Variants in DGKD observed in about 807,000 individuals in gnomAD.
DGKD encodes the protein DAG kinase delta.
In DGKD, 68 loss-of-function variants were observed where a neutral mutation model predicts 154.4. That is an observed-to-expected ratio of 0.44 (90% confidence interval 0.36 to 0.54). The LOEUF (loss-of-function observed/expected upper bound fraction) is 0.54. Ranked by LOEUF, DGKD falls within the 20% of genes least tolerant of loss-of-function variation. The pLI is 0.00. For missense variants in DGKD, 1,343 were observed against 1,593.6 expected (o/e 0.84, Z 2.68); for synonymous variants, 693 against 638.0 (o/e 1.09, Z -1.30).
chr2:233,417,337 T>C (rs975138356), intron 3 of DGKD, among the ~76,000 whole-genome samples: 2 of 152,180 alleles, frequency 1.3e-5, no homozygotes, highest in Admixed American at 6.5e-5. Context: ...CTAGCCCCCC[T>C]TGTGCATTTT....
Position 233,449,420 on chromosome 2 carries a change from C to G in DGKD, c.1888+44C>G. 2.6e-6 allele frequency: 4 copies of G among 1,558,926 alleles called. No homozygotes were observed. Among genetic ancestry groups the G allele is most frequent in the Non-Finnish European group, 2.6e-6 (3 of 1,146,096 alleles). ...AGGAGGGGCTTTCCTCAGGCCAGCA[C>G]TGGGCATGCCCAGCGTCCCCTGAAC... On this transcript the variant is annotated intron_variant, in intron 15 of 29. Coordinates refer to ENST00000264057, the MANE Select transcript of DGKD (RefSeq NM_152879.3). The surrounding 1 kb of genome is among the most constrained non-coding windows in gnomAD (Gnocchi z 5.3).
intron 1 of DGKD, among the ~76,000 whole-genome samples, chr2:233,355,136 A>G (rs1225803281): frequency 6.6e-6 from 1 of 151,892 alleles, no homozygotes; most frequent in Non-Finnish European, 1.5e-5. Flanking sequence ...TGCCCTGCAG[A>G]CTTCCCTGTG....
At position 233,458,377 on chromosome 2, in the gene DGKD, C is replaced by T; in HGVS notation, c.2674C>T (p.Gln892Ter). The change falls in exon 22 of 30, where the codon CAG (glutamine) becomes TAG (stop). Residue 892 changes from glutamine (Q) to a stop codon, truncating the protein, a stop_gained. Transcript: ENST00000264057. LOFTEE classifies it high-confidence loss of function. This position sits in a 1 kb window ranked among gnomAD's most constrained non-coding sequence, Gnocchi z 6.6. ...QMAVSRVIRL[Q>*]HHRIAQCRTV... The stretch of plus-strand genomic sequence containing the variant: ...GGCCGTCTCTCGAGTCATCAGGCTA[C>T]AGCATCATCGGATCGCCCAGGTAGT... The T allele has an allele frequency of 6.2e-7, 1 of 1,610,150 alleles. No individual in the cohort carries two copies. Among genetic ancestry groups the T allele is most frequent in the Non-Finnish European group, 8.5e-7 (1 of 1,179,502 alleles).
chr2:233,451,378 C>T (rs1384192425), intron 17 of DGKD, among the ~76,000 whole-genome samples: 4 of 152,110 alleles, frequency 2.6e-5, no homozygotes, highest in East Asian at 1.9e-4. Context: ...TGAGGGAACC[C>T]GAGGGACCAT....
chr2:233,378,575 G>A (rs6726046), intron 1 of DGKD, among the ~76,000 whole-genome samples: 61,990 of 152,010 alleles, frequency 0.41, 15,245 homozygotes, highest in African/African-American at 0.69. Flanking sequence ...CAGTCTGATG[G>A]TGCAAATAGT....
intron 2 of DGKD, 22 bp from the exon 3 acceptor site, chr2:233,390,381 C>T (rs770174051): frequency 6.2e-7 from 1 of 1,606,106 alleles, no homozygotes; most frequent in African/African-American, 1.3e-5. Flanking sequence ...GTGCCTTAGT[C>T]CCTGTGTTTG....
intron 3 of DGKD, among the ~76,000 whole-genome samples, chr2:233,426,633 C>G (rs2062312249): frequency 6.6e-6 from 1 of 152,164 alleles, no homozygotes; most frequent in Non-Finnish European, 1.5e-5. Context: ...TATTGCTTGT[C>G]TCCCAATGTA....
At chr2:233,456,566 G>C (rs1322669722) in intron 19 of DGKD, among the ~76,000 whole-genome samples, 1 of 152,054 alleles carries the variant, frequency 6.6e-6, no homozygotes, top group Non-Finnish European at 1.5e-5. Context: ...TTTTTCTATG[G>C]TAAGCATAAT....
At position 233,470,031 on chromosome 2, in the gene DGKD, A is replaced by T. The variant is rs1416974891; in HGVS notation, c.*571A>T. On this transcript the variant is annotated 3_prime_UTR_variant, in exon 30 of 30. Coordinates refer to ENST00000264057, the MANE Select transcript of DGKD (RefSeq NM_152879.3). ...GGATGTTTCCAGTCTTGTTGATTGTAATTTGACGTGAAGAGAAAAAAAAAT... is the reference window on the plus strand; with the variant it reads ...GGATGTTTCCAGTCTTGTTGATTGTTATTTGACGTGAAGAGAAAAAAAAAT... The T allele has an allele frequency of 6.6e-6, 1 of 152,322 alleles. No individual in the cohort carries two copies. The highest frequency in any genetic ancestry group is 1.5e-5 in the Non-Finnish European group (1 of 68,054). The allele number at this position is 152,322 out of a possible 1,614,324, so 9.4% of individuals were successfully genotyped here. A position where few individuals can be genotyped will look rare whatever the true frequency, so the allele number is the denominator to read the frequency against.
At chr2:233,376,852 C>T (rs951002260) in intron 1 of DGKD, among the ~76,000 whole-genome samples, 2 of 152,064 alleles carry the variant, frequency 1.3e-5, no homozygotes, top group African/African-American at 2.4e-5. Context: ...GGTGCTGCTG[C>T]GGGTGCTGCC....
At chr2:233,412,013 G>C (rs1004575535) in intron 3 of DGKD, among the ~76,000 whole-genome samples, 1 of 151,952 alleles carries the variant, frequency 6.6e-6, no homozygotes, top group Non-Finnish European at 1.5e-5. Context: ...TCTACACTTT[G>C]TTGATTACTG....
At position 233,472,022 on chromosome 2, in the gene DGKD, T is replaced by C. The variant is rs1380936303; in HGVS notation, c.*2562T>C. On this transcript the variant is annotated 3_prime_UTR_variant, in exon 30 of 30. Transcript: ENST00000264057. ...GAAACAAACGCCTCTTGTATTGTCA[T>C]GTACATAGTCCATACCTGAGTGCTG... The C allele has an allele frequency of 2.0e-5, 3 of 152,416 alleles. No homozygotes were observed. Among genetic ancestry groups the C allele is most frequent in the South Asian group, 2.1e-4 (1 of 4,838 alleles). The allele number at this position is 152,416 out of a possible 1,614,324, so 9.4% of individuals were successfully genotyped here.
At chr2:233,451,105 C>T (rs1269160323) in intron 17 of DGKD, 55 bp downstream of exon 17, 17 of 1,561,868 alleles carry the variant, frequency 1.1e-5, no homozygotes, top group Admixed American at 1.7e-5. Context: ...ACACTGGTCC[C>T]GTCAAACTGA....
chr2:233,443,664 C>T (rs1410689999), intron 10 of DGKD, among the ~76,000 whole-genome samples: 1 of 152,208 alleles, frequency 6.6e-6, no homozygotes, highest in Non-Finnish European at 1.5e-5. Context: ...GTAGTATTTC[C>T]AGGTGGGTGG....
chr2:233,357,901 A>C (rs2125368446), intron 1 of DGKD, among the ~76,000 whole-genome samples: 1 of 152,334 alleles, frequency 6.6e-6, no homozygotes, highest in East Asian at 1.9e-4. Flanking sequence ...CCAGACTTTG[A>C]AAAACAAGAC....
rs2064024163 is a variant in DGKD, at chr2:233,471,838, C to T, written c.*2378C>T. 6.6e-6 allele frequency: 1 copy of T among 152,420 alleles called. No individual in the cohort carries two copies. Among genetic ancestry groups the T allele is most frequent in the South Asian group, 2.1e-4 (1 of 4,836 alleles). 9.4% of individuals were successfully genotyped at this position (152,420 alleles called of 1,614,324 possible). A position where few individuals can be genotyped will look rare whatever the true frequency, so the allele number is the denominator to read the frequency against. On this transcript the variant is annotated 3_prime_UTR_variant, in exon 30 of 30. Coordinates refer to ENST00000264057, the MANE Select transcript of DGKD (RefSeq NM_152879.3). ...TCTGGGGGCTGCTCTGCTGCCCCGG[C>T]CCAGGTCCCCTTGTGGTGTTGCCAG...
chr2:233,469,767 G>T lies in DGKD; in HGVS notation c.*307G>T. The T allele has an allele frequency of 3.0e-6, 1 of 331,316 alleles. No individual in the cohort carries two copies. The highest frequency in any genetic ancestry group is 4.4e-5 in the Admixed American group (1 of 22,484). The allele number at this position is 331,316 out of a possible 1,614,324, so 20.5% of individuals were successfully genotyped here. Reference sequence around the variant, plus strand: ...CTCGCCCGCCTGTGCTGTGGGCCAGGGAATCCAGCGGCGTCTGGCCTCCTG... The same window carrying T: ...CTCGCCCGCCTGTGCTGTGGGCCAGTGAATCCAGCGGCGTCTGGCCTCCTG... On this transcript the variant is annotated 3_prime_UTR_variant, in exon 30 of 30. Coordinates refer to ENST00000264057, the MANE Select transcript of DGKD (RefSeq NM_152879.3).
At chr2:233,446,062 C>T (rs1016624897) in intron 11 of DGKD, among the ~76,000 whole-genome samples, 2 of 152,200 alleles carry the variant, frequency 1.3e-5, no homozygotes, top group East Asian at 3.8e-4. Context: ...TGCTTCAGCC[C>T]GAGATCTAAT....
chr2:233,420,396 C>G (rs1350553776), intron 3 of DGKD, among the ~76,000 whole-genome samples: 1 of 151,990 alleles, frequency 6.6e-6, no homozygotes, highest in Non-Finnish European at 1.5e-5. Flanking sequence ...ATGACTGCTT[C>G]CAGCCTGAGA....
Sources: gnomAD v4.1 joint callset for allele counts (sites outside exome capture counted in the v4.1 genomes callset) on GRCh38, gnomAD v4.1.1 for gene constraint, Gnocchi (gnomAD v3.1) non-coding constraint, MANE v1.5 for transcripts, NCBI Gene and HGNC (gene_info 2026-07-23, HGNC 2026-07-21) for gene names.